The following ADAMTS6 variants were observed in gnomAD, a reference collection of about 807,000 sequenced individuals.
ADAMTS6 encodes A disintegrin and metalloproteinase with thrombospondin motifs 6.
Under a neutral mutation model 144.3 loss-of-function variants are expected in ADAMTS6, and 23 were observed. That is an observed-to-expected ratio of 0.16 (90% CI 0.11 to 0.23). ADAMTS6 has a LOEUF of 0.23. Ranked by LOEUF, ADAMTS6 falls within the 10% of genes least tolerant of loss-of-function variation. The probability of loss-of-function intolerance (pLI) is 1.00; values close to 1 mark genes in which losing one functional copy is unlikely to be tolerated. For missense variants in ADAMTS6, 999 were observed against 1,379.6 expected (o/e 0.72, Z 4.37); for synonymous variants, 444 against 457.5 (o/e 0.97, Z 0.38).
intron 7 of ADAMTS6, among the ~76,000 whole-genome samples, chr5:65,377,016 T>G (rs771610926): frequency 6.6e-6 from 1 of 151,998 alleles, no homozygotes; most frequent in African/African-American, 2.4e-5. Context: ...GGAAGACTTA[T>G]ATATATATAA....
intron 20 of ADAMTS6, among the ~76,000 whole-genome samples, chr5:65,205,585 T>C (rs572517813): frequency 1.1e-3 from 163 of 152,328 alleles, no homozygotes; most frequent in African/African-American, 3.8e-3. Context: ...TGTTGTATCA[T>C]TCCTGAAATA....
chr5:65,397,113 T>A (rs1218612791), intron 7 of ADAMTS6, among the ~76,000 whole-genome samples: 1 of 152,206 alleles, frequency 6.6e-6, no homozygotes, highest in Admixed American at 6.5e-5. Context: ...TGTTATCAAA[T>A]GTGAGAGCAT....
At chr5:65,212,330 C>T (rs1026139320) in intron 20 of ADAMTS6, among the ~76,000 whole-genome samples, 5 of 151,904 alleles carry the variant, frequency 3.3e-5, no homozygotes, top group South Asian at 4.2e-4. Context: ...CCCAGAACCA[C>T]CTCCAGTATC....
intron 9 of ADAMTS6, among the ~76,000 whole-genome samples, chr5:65,320,553 T>TC (rs1470665372): frequency 6.6e-6 from 1 of 150,858 alleles, no homozygotes; most frequent in African/African-American, 2.4e-5. Flanking sequence ...TTATTTTCTC[T>TC]CTTTTTTTTT....
intron 11 of ADAMTS6, among the ~76,000 whole-genome samples, chr5:65,288,848 T>C (rs1742005080): frequency 6.6e-6 from 1 of 152,212 alleles, no homozygotes; most frequent in Admixed American, 6.5e-5. Context: ...TGAAGTATGA[T>C]TTGCTTACCC....
At chr5:65,382,811 T>C (rs576505155) in intron 7 of ADAMTS6, among the ~76,000 whole-genome samples, 1 of 152,350 alleles carries the variant, frequency 6.6e-6, no homozygotes, top group African/African-American at 2.4e-5. Context: ...TTCTCTTTTA[T>C]GTATCTTAGT....
Position 65,151,763 on chromosome 5 carries a change from C to T in ADAMTS6, c.*73G>A, listed in dbSNP as rs779504026. 239 of 1,337,226 alleles carry T rather than the reference C, an allele frequency of 1.8e-4. No homozygotes were observed. Among genetic ancestry groups the T allele is most frequent in the Non-Finnish European group, 2.1e-4 (199 of 938,130 alleles). 82.8% of individuals were successfully genotyped at this position (1,337,226 alleles called of 1,614,324 possible). A position where few individuals can be genotyped will look rare whatever the true frequency, so the allele number is the denominator to read the frequency against. ...ATTTGCAAGGACATCAATCCTCTTCCTCTGGGTGGCTCTCTTTGATGGATG... is the reference window on the plus strand; with the variant it reads ...ATTTGCAAGGACATCAATCCTCTTCTTCTGGGTGGCTCTCTTTGATGGATG... On this transcript the variant is annotated 3_prime_UTR_variant, in exon 25 of 25. Transcript: ENST00000381055.
intron 20 of ADAMTS6, chr5:65,213,905 G>A (rs1409981592): frequency 6.4e-6 from 1 of 155,696 alleles, no homozygotes; most frequent in Non-Finnish European, 1.5e-5. Context: ...GGAATGGTGA[G>A]GTGATCTAGT....
At position 65,196,623 on chromosome 5, in the gene ADAMTS6, C is replaced by T. The variant is rs141723876; in HGVS notation, c.2705+399G>A. The stretch of plus-strand genomic sequence containing the variant: ...GTAAATAAATCACTATATTTTATTA[C>T]ATCTAAGACTTTTTTTTTATGTGCC... On this transcript the variant is annotated intron_variant, in intron 21 of 24. Coordinates refer to ENST00000381055, the MANE Select transcript of ADAMTS6 (RefSeq NM_197941.4). Among the ~76,000 whole-genome samples, 77 of 136,974 alleles carry T rather than the reference C, an allele frequency of 5.6e-4. 2 individuals carry two copies. In the East Asian group the frequency reaches 0.016, roughly 29 times the overall value. 89.9% of individuals were successfully genotyped at this position (136,974 alleles called of 152,430 possible).
intron 7 of ADAMTS6, among the ~76,000 whole-genome samples, chr5:65,364,633 C>T (rs1750133739): frequency 7.1e-6 from 1 of 141,686 alleles, no homozygotes; most frequent in Admixed American, 7.4e-5. Flanking sequence ...GTGGCGCAAT[C>T]TCGGCTCACT....
chr5:65,439,061 CAGAAATGGG>C (rs1757669885), intron 7 of ADAMTS6, among the ~76,000 whole-genome samples: 1 of 151,832 alleles, frequency 6.6e-6, no homozygotes, highest in Non-Finnish European at 1.5e-5. Context: ...CAGAATGCTA[CAGAAATGGG>C]AGGGCTGCTG....
At chr5:65,262,024 C>T (rs114180031) in intron 13 of ADAMTS6, among the ~76,000 whole-genome samples, 24 of 152,086 alleles carry the variant, frequency 1.6e-4, no homozygotes, top group African/African-American at 5.5e-4. Context: ...CCTCAACCAG[C>T]GTTCTAGACA....
At chr5:65,441,356 A>G (rs1480637586) in intron 7 of ADAMTS6, among the ~76,000 whole-genome samples, 1 of 152,208 alleles carries the variant, frequency 6.6e-6, no homozygotes, top group African/African-American at 2.4e-5. Context: ...GCAACCAAAT[A>G]TATCTGCAAT....
intron 22 of ADAMTS6, among the ~76,000 whole-genome samples, chr5:65,174,893 AG>A (rs1056205370): frequency 1.1e-4 from 17 of 152,252 alleles, no homozygotes; most frequent in Admixed American, 1.1e-3. Context: ...AAAAATTTCA[AG>A]GAAGGATTTA....
chr5:65,275,385 AAGAAAGAAAGAAAG>A (rs1206267966), intron 11 of ADAMTS6, among the ~76,000 whole-genome samples: 4 of 147,160 alleles, frequency 2.7e-5, no homozygotes, highest in Non-Finnish European at 4.5e-5. Context: ...GAAAGAAAGA[AAGAAAGAAAGAAAG>A]AAAGAAAGAA....
At chr5:65,476,057 C>T (rs1554098202) in intron 1 of ADAMTS6, among the ~76,000 whole-genome samples, 1 of 152,210 alleles carries the variant, frequency 6.6e-6, no homozygotes, top group Admixed American at 6.5e-5. Context: ...TGACTTCCAT[C>T]TGCTAGCCAC....
intron 11 of ADAMTS6, among the ~76,000 whole-genome samples, chr5:65,273,923 A>G (rs544177018): frequency 6.6e-6 from 1 of 152,338 alleles, no homozygotes; most frequent in East Asian, 1.9e-4. Context: ...ATAAGAATTT[A>G]ATGTATGAAT....
At chr5:65,371,538 G>A (rs1416448440) in intron 7 of ADAMTS6, among the ~76,000 whole-genome samples, 3 of 152,124 alleles carry the variant, frequency 2.0e-5, no homozygotes, top group East Asian at 3.9e-4. Flanking sequence ...AAGATGAAGT[G>A]AATGAAATGA....
At chr5:65,411,287 T>C (rs1278017480) in intron 7 of ADAMTS6, among the ~76,000 whole-genome samples, 1 of 152,200 alleles carries the variant, frequency 6.6e-6, no homozygotes, top group Admixed American at 6.5e-5. Context: ...TGATTTCATA[T>C]CCTTTGGATA....
Sources: allele counts gnomAD v4.1 joint callset (sites outside exome capture counted in the v4.1 genomes callset), GRCh38; gene constraint gnomAD v4.1.1; transcripts MANE v1.5; gene names NCBI Gene and HGNC (gene_info 2026-07-23, HGNC 2026-07-21).